PTOV1: variants seen among roughly 807,000 people sequenced by gnomAD.
PTOV1 encodes PTOV1 extended AT-hook containing adaptor protein.
PTOV1 carries 20 observed loss-of-function variants against 58.0 expected under a neutral mutation model. The observed-to-expected ratio is 0.34, with a 90% CI of 0.24 to 0.50. PTOV1 has a LOEUF of 0.50. PTOV1 is among the 20% of genes least tolerant of loss of function. PTOV1 has a pLI of 0.98. For synonymous variants in PTOV1, 335 were observed against 234.2 expected, an observed-to-expected ratio of 1.43 and a Z score of -3.93; for missense variants, 593 against 565.4, an observed-to-expected ratio of 1.05 and a Z score of -0.50.
intron 5 of PTOV1, 83 bp downstream of exon 5, chr19:49,855,160 G>A: frequency 7.4e-7 from 1 of 1,359,012 alleles, no homozygotes; most frequent in Non-Finnish European, 1.0e-6. Flanking sequence ...CCAGGCGGGG[G>A]TCGGGGGGTC....
chr19:49,852,057 C>G, intron 1 of PTOV1: 1 of 985,498 alleles, frequency 1.0e-6, no homozygotes, highest in Non-Finnish European at 1.2e-6. Flanking sequence ...CGTAAACATT[C>G]AGCTTCGCAG....
At chr19:49,858,197 G>C in intron 9 of PTOV1, 83 bp downstream of exon 9, 1 of 1,509,116 alleles carries the variant, frequency 6.6e-7, no homozygotes, top group Non-Finnish European at 9.0e-7. Flanking sequence ...CGCCTCCCCA[G>C]GTGGCCTGAG....
chr19:49,853,575 C>T (rs1171114495), intron 1 of PTOV1, among the ~76,000 whole-genome samples: 1 of 151,748 alleles, frequency 6.6e-6, no homozygotes, highest in Non-Finnish European at 1.5e-5. Flanking sequence ...TGAGATCGCA[C>T]CACTGCACTC....
At chr19:49,858,419 T>C in intron 9 of PTOV1, 130 bp from the exon 10 acceptor site, 1 of 748,072 alleles carries the variant, frequency 1.3e-6, no homozygotes, top group East Asian at 2.7e-5. Flanking sequence ...GCGGTGGAGA[T>C]GACGTTTCCT....
At chr19:49,856,767 C>T (rs1374168595) in intron 5 of PTOV1, 2 of 595,396 alleles carry the variant, frequency 3.4e-6, no homozygotes, top group African/African-American at 3.7e-5. Context: ...GGGTGCCACT[C>T]TGACCTCAGC....
chr19:49,856,896 C>T, intron 5 of PTOV1, 79 bp from the exon 6 acceptor site: 2 of 1,547,906 alleles, frequency 1.3e-6, no homozygotes, highest in Non-Finnish European at 1.8e-6. Context: ...TCATCCCCTA[C>T]AGGTGGGGCG....
chr19:49,857,361 C>CAGCGG, intron 6 of PTOV1: 1 of 645,384 alleles, frequency 1.5e-6, no homozygotes, highest in East Asian at 2.7e-5. Flanking sequence ...GCAGGGAAGC[C>CAGCGG]AGCGGAGCGG....
intron 1 of PTOV1, chr19:49,853,057 C>T (rs1468103370): frequency 6.6e-6 from 1 of 150,884 alleles, no homozygotes; most frequent in Admixed American, 6.6e-5. Flanking sequence ...GGTGAAGAAT[C>T]ACCTGCGTGG....
At chr19:49,853,106 C>T (rs570349408) in intron 1 of PTOV1, 4 of 152,114 alleles carry the variant, frequency 2.6e-5, no homozygotes, top group African/African-American at 9.6e-5. Context: ...CAAGTTTGTT[C>T]AGGTTTTTCT....
chr19:49,854,318 T>C, intron 1 of PTOV1, 88 bp from the exon 2 acceptor site: 2 of 1,502,856 alleles, frequency 1.3e-6, no homozygotes, highest in Non-Finnish European at 1.8e-6. Flanking sequence ...GGCTGAATAT[T>C]GGGACGTCCC....
intron 6 of PTOV1, chr19:49,857,471 T>C: frequency 1.6e-6 from 1 of 617,964 alleles, no homozygotes; most frequent in South Asian, 2.0e-5. Context: ...ACTCTGCAGG[T>C]CCTGTGCACC....
At chr19:49,858,826 C>A in intron 10 of PTOV1, 173 bp downstream of exon 10, 1 of 592,992 alleles carries the variant, frequency 1.7e-6, no homozygotes. Flanking sequence ...CCCCACGGCA[C>A]TGGATGGGGC....
intron 8 of PTOV1, 26 bp from the exon 9 acceptor site, chr19:49,858,031 G>C: frequency 6.2e-7 from 1 of 1,613,902 alleles, no homozygotes; most frequent in Non-Finnish European, 8.5e-7. Flanking sequence ...GGGGCTTCCT[G>C]ACCCTCGTCC....
intron 1 of PTOV1, 33 bp downstream of exon 1, chr19:49,851,532 A>T: frequency 1.9e-6 from 2 of 1,076,892 alleles, no homozygotes; most frequent in Non-Finnish European, 2.3e-6. Context: ...AGAGCCTTCC[A>T]CGGCCCCGCC....
chr19:49,858,525 G>C lies in PTOV1; in HGVS notation c.937-24G>C, dbSNP rs763600287. On this transcript the variant is annotated intron_variant, in intron 9 of 11. Coordinates refer to ENST00000391842, the Ensembl canonical transcript of PTOV1. ...GGCCGTGGTGGGAGAAGCCAGAGCT[G>C]GGGGTCCCCTCGCTTCCCCGCAGAC... 3.2e-6 allele frequency: 5 copies of C among 1,558,632 alleles called. No homozygotes were observed. In the South Asian group the frequency reaches 5.8e-5, roughly 18 times the overall value.
At chr19:49,858,930 G>C (rs886933452) in intron 10 of PTOV1, 3 of 344,438 alleles carry the variant, frequency 8.7e-6, no homozygotes, top group African/African-American at 6.2e-5. Context: ...AGGGACAGGC[G>C]CCCTTGTCAC....
At position 49,851,826 on chromosome 19, in the gene PTOV1, A is replaced by G. The variant is rs568862537; in HGVS notation, c.171+327A>G. On this transcript the variant is annotated intron_variant, in intron 1 of 11. Coordinates refer to ENST00000391842, the Ensembl canonical transcript of PTOV1. ...CACGCTCGCTTGTTTTTCCTATTGG[A>G]GAGTTGCTCGCTCTCCGGGCAGGAA... The G allele has an allele frequency of 3.6e-4, 359 of 999,592 alleles. 2 individuals are homozygous for G. In the African/African-American group the frequency reaches 5.8e-3, roughly 16 times the overall value. 61.9% of individuals were successfully genotyped at this position (999,592 alleles called of 1,614,324 possible).
At chr19:49,858,952 C>T (rs549184311) in intron 10 of PTOV1, 24 of 282,668 alleles carry the variant, frequency 8.5e-5, no homozygotes, top group African/African-American at 4.5e-4. Flanking sequence ...CCTGGTTTCC[C>T]GGGAGCTTGT....
upstream of PTOV1, chr19:49,851,127 C>T (rs2074223889): frequency 1.5e-6 from 2 of 1,337,442 alleles, no homozygotes; most frequent in Non-Finnish European, 1.9e-6. Flanking sequence ...CTCGGACGCG[C>T]TTGGTACGCG....
Sources: gnomAD v4.1 joint callset for allele counts (sites outside exome capture counted in the v4.1 genomes callset) on GRCh38, gnomAD v4.1.1 for gene constraint, MANE v1.5 for transcripts, NCBI Gene and HGNC (gene_info 2026-07-23, HGNC 2026-07-21) for gene names.